GLE1: variants seen among roughly 807,000 people sequenced by gnomAD.
The protein encoded by GLE1 is GLE1 RNA export mediator, also known as mRNA export factor GLE1.
GLE1 carries 78 observed loss-of-function variants against 97.3 expected under a neutral mutation model. That is an observed-to-expected ratio of 0.80 (90% confidence interval 0.67 to 0.97). The LOEUF (loss-of-function observed/expected upper bound fraction) is 0.97. GLE1 is among the 50% of genes least tolerant of loss of function. GLE1 has a pLI of 0.00. For synonymous variants in GLE1, 302 were observed against 313.4 expected, an observed-to-expected ratio of 0.96 and a Z score of 0.39; for missense variants, 753 against 857.5, an observed-to-expected ratio of 0.88 and a Z score of 1.52.
At chr9:128,534,772 G>A (rs1288045341) in intron 11 of GLE1, among the ~76,000 whole-genome samples, 1 of 151,502 alleles carries the variant, frequency 6.6e-6, no homozygotes, top group Admixed American at 6.6e-5. Flanking sequence ...AGGCTGGAGT[G>A]CAGTGGCGTG....
chr9:128,517,585 T>C lies in GLE1; in HGVS notation c.432+1946T>C, dbSNP rs181457777. On this transcript the variant is annotated intron_variant, in intron 3 of 15. Transcript: ENST00000309971. ...CGACTAATTCTGCATATCAGAGTTG[T>C]TTTAATTCAAAGATTTATTTCCTGC... is the stretch of plus-strand genomic sequence containing the variant. 3.3e-5 allele frequency among the ~76,000 whole-genome samples: 5 copies of C among 152,350 alleles called. No homozygotes were observed. The East Asian group carries it at 9.6e-4, about 29-fold the overall frequency.
chr9:128,512,924 C>T (rs760821595), intron 2 of GLE1, among the ~76,000 whole-genome samples: 2 of 152,240 alleles, frequency 1.3e-5, no homozygotes, highest in Non-Finnish European at 2.9e-5. Flanking sequence ...GCTGGGATTA[C>T]AGGCATGAGC....
intron 1 of GLE1, among the ~76,000 whole-genome samples, chr9:128,505,249 T>G (rs1384712717): frequency 6.6e-6 from 1 of 152,158 alleles, no homozygotes; most frequent in Non-Finnish European, 1.5e-5. Context: ...AGCTCTAGAG[T>G]TTGCGACGAA....
At chr9:128,511,630 C>G (rs1237296686) in intron 2 of GLE1, among the ~76,000 whole-genome samples, 1 of 149,712 alleles carries the variant, frequency 6.7e-6, no homozygotes, top group African/African-American at 2.5e-5. Flanking sequence ...GATGTGAACG[C>G]GGGAGGCAGA....
intron 3 of GLE1, among the ~76,000 whole-genome samples, chr9:128,519,447 G>T (rs1381569958): frequency 6.6e-6 from 1 of 152,152 alleles, no homozygotes; most frequent in Non-Finnish European, 1.5e-5. Context: ...CCCTGCATGT[G>T]GCCGTCTTTT....
At chr9:128,511,667 C>T in intron 2 of GLE1, among the ~76,000 whole-genome samples, 1 of 149,892 alleles carries the variant, frequency 6.7e-6, no homozygotes, top group African/African-American at 2.5e-5. Context: ...GATTGCGCCA[C>T]TGCACACCAG....
intron 2 of GLE1, among the ~76,000 whole-genome samples, chr9:128,514,910 G>T (rs1846936032): frequency 6.6e-6 from 1 of 152,016 alleles, no homozygotes; most frequent in South Asian, 2.1e-4. Context: ...TCCGCCTCCT[G>T]GGTTCAAGGG....
At position 128,538,005 on chromosome 9, in the gene GLE1, A is replaced by G. The variant is rs774032329; in HGVS notation, c.1796A>G (p.Asn599Ser). The change falls in exon 13 of 16, where the codon AAT becomes AGT. Residue 599 changes from asparagine (N) to serine (S), a missense_variant. Asn to Ser is a conservative substitution (Grantham distance 46). Coordinates refer to ENST00000309971, the MANE Select transcript of GLE1 (RefSeq NM_001003722.2). Reference sequence around the variant, plus strand: ...TCCCAGATTCACCCTCATGGCTTAAATCATGGATGGCGCTGGTTGGCACAG... The same window carrying G: ...TCCCAGATTCACCCTCATGGCTTAAGTCATGGATGGCGCTGGTTGGCACAG... ...NRQEIHPHGL[N>S]HGWRWLAQIL... is the part of the protein sequence containing the mutation. The G allele has an allele frequency of 1.2e-6, 2 of 1,609,622 alleles. No individual in the cohort carries two copies. Among genetic ancestry groups the G allele is most frequent in the South Asian group, 2.2e-5 (2 of 90,972 alleles).
chr9:128,532,160 C>T (rs1050477303), intron 9 of GLE1, among the ~76,000 whole-genome samples: 1 of 141,146 alleles, frequency 7.1e-6, no homozygotes, highest in African/African-American at 2.6e-5. Flanking sequence ...TTAATTAAAA[C>T]ATTGACTTCA....
At chr9:128,523,540 A>G (rs1040938447) in intron 5 of GLE1, 52 bp from the exon 6 acceptor site, 6 of 1,609,428 alleles carry the variant, frequency 3.7e-6, no homozygotes, top group Non-Finnish European at 4.2e-6. Flanking sequence ...GACTGTAGAA[A>G]GAAGAAGCCC....
intron 15 of GLE1, 94 bp downstream of exon 15, chr9:128,540,432 C>T: frequency 1.2e-6 from 1 of 805,838 alleles, no homozygotes; most frequent in Non-Finnish European, 2.2e-6. Context: ...GCTCTGATTG[C>T]ACTCTCTTCC....
chr9:128,508,235 T>C (rs188732039), intron 1 of GLE1, among the ~76,000 whole-genome samples: 30 of 141,822 alleles, frequency 2.1e-4, no homozygotes, highest in Admixed American at 8.4e-4. Context: ...TCCATCTCTA[T>C]AAAAAATGAA....
rs777044751 is a variant in GLE1, at chr9:128,509,046, C to T, written c.270C>T (p.Asp90=). 4.1e-5 allele frequency: 66 copies of T among 1,613,804 alleles called. No homozygotes were observed. The East Asian group carries it at 8.2e-4, about 20-fold the overall frequency. Residue 90 remains aspartate (D), a synonymous_variant, in exon 2 of 16, where the codon GAC becomes GAT. Transcript: ENST00000309971. The part of the protein sequence containing the change: ...DQPSFVPKSP[D]ASSAFSPASP... ...CCTCATTTGTTCCCAAATCTCCTGA[C>T]GCAAGCTCTGCCTTTTCCCCAGCCT...
At chr9:128,522,394 C>T (rs1402879885) in intron 3 of GLE1, among the ~76,000 whole-genome samples, 2 of 152,170 alleles carry the variant, frequency 1.3e-5, no homozygotes, top group Admixed American at 6.5e-5. Context: ...AGGTGGCTCA[C>T]GCCTGTAATC....
At chr9:128,517,161 A>T (rs553975438) in intron 3 of GLE1, among the ~76,000 whole-genome samples, 2 of 151,910 alleles carry the variant, frequency 1.3e-5, no homozygotes, top group African/African-American at 2.4e-5. Context: ...ATGGTGGCAC[A>T]TGCCTATAAT....
At chr9:128,523,178 G>A in intron 4 of GLE1, 102 bp from the exon 5 acceptor site, 4 of 906,136 alleles carry the variant, frequency 4.4e-6, no homozygotes, top group South Asian at 1.3e-5. Context: ...AAGAAAAAGG[G>A]AAGGAAGGGA....
intron 11 of GLE1, 98 bp from the exon 12 acceptor site, chr9:128,536,257 C>T: frequency 2.2e-6 from 2 of 902,196 alleles, no homozygotes; most frequent in Non-Finnish European, 3.6e-6. Flanking sequence ...TAGTCTTGAA[C>T]TCCTGGCCTC....
At chr9:128,521,493 C>T (rs1290236959) in intron 3 of GLE1, among the ~76,000 whole-genome samples, 1 of 152,056 alleles carries the variant, frequency 6.6e-6, no homozygotes, top group Admixed American at 6.5e-5. Context: ...ATAAGTGTGC[C>T]ACTGCACTCT....
chr9:128,505,997 ATTAT>A (rs1189588382), intron 1 of GLE1, among the ~76,000 whole-genome samples: 4 of 152,196 alleles, frequency 2.6e-5, no homozygotes, highest in East Asian at 3.9e-4. Flanking sequence ...CATTACTTTT[ATTAT>A]TTATTTATTT....
Sources: gnomAD v4.1 joint callset for allele counts (sites outside exome capture counted in the v4.1 genomes callset) on GRCh38, gnomAD v4.1.1 for gene constraint, MANE v1.5 for transcripts, NCBI Gene and HGNC (gene_info 2026-07-23, HGNC 2026-07-21) for gene names.